CNBD1: variants seen among roughly 807,000 people sequenced by gnomAD.
The protein encoded by CNBD1 is cyclic nucleotide binding domain containing 1.
Under a neutral mutation model 54.4 loss-of-function variants are expected in CNBD1, and 71 were observed. That is an observed-to-expected ratio of 1.30 (90% CI 1.08 to 1.59). The LOEUF (loss-of-function observed/expected upper bound fraction) is 1.59, where lower values mean the gene tolerates loss of function less well. Ranked by LOEUF, CNBD1 falls within the 40% of genes most tolerant of loss-of-function variation. The pLI is 0.00. For missense variants in CNBD1, 659 were observed against 518.0 expected (o/e 1.27, Z -2.64); for synonymous variants, 182 against 170.7 (o/e 1.07, Z -0.51).
chr8:87,335,112 T>C (rs1355067977), intron 8 of CNBD1, among the ~76,000 whole-genome samples: 2 of 152,166 alleles, frequency 1.3e-5, no homozygotes, highest in East Asian at 1.9e-4. Context: ...CTGAGGAGCG[T>C]TTTACTTCCA....
intron 5 of CNBD1, among the ~76,000 whole-genome samples, chr8:87,215,925 G>C (rs1396160861): frequency 6.6e-6 from 1 of 152,094 alleles, no homozygotes; most frequent in East Asian, 1.9e-4. Flanking sequence ...CCACTAGCCT[G>C]TTCTCTATTT....
chr8:86,905,876 C>T (rs1809009531), intron 3 of CNBD1, among the ~76,000 whole-genome samples: 1 of 152,140 alleles, frequency 6.6e-6, no homozygotes, highest in African/African-American at 2.4e-5. Flanking sequence ...ATATAGTTGT[C>T]TTTGTTGTTC....
intron 4 of CNBD1, among the ~76,000 whole-genome samples, chr8:87,020,516 A>G (rs1448434814): frequency 6.6e-6 from 1 of 151,792 alleles, no homozygotes; most frequent in African/African-American, 2.4e-5. Context: ...ACTAAGGACT[A>G]AGCTCTTATT....
chr8:86,867,227 GATCT>G (rs35381387), intron 1 of CNBD1, among the ~76,000 whole-genome samples: 20,898 of 151,976 alleles, frequency 0.14, 1,547 homozygotes, highest in African/African-American at 0.18. Context: ...GAATTTATAA[GATCT>G]ATTATTTGAA....
At chr8:87,228,138 TC>T (rs1189360158) in intron 5 of CNBD1, among the ~76,000 whole-genome samples, 2 of 150,746 alleles carry the variant, frequency 1.3e-5, no homozygotes, top group Non-Finnish European at 2.9e-5. Flanking sequence ...AGTTATACAT[TC>T]TTCTAAATTT....
At chr8:86,941,722 C>T (rs533110670) in intron 4 of CNBD1, among the ~76,000 whole-genome samples, 6 of 152,218 alleles carry the variant, frequency 3.9e-5, no homozygotes, top group Admixed American at 6.5e-5. Flanking sequence ...AGTGGACTAC[C>T]GCGAAAAGCA....
chr8:86,871,559 C>A (rs1808444048), intron 1 of CNBD1, among the ~76,000 whole-genome samples: 1 of 152,214 alleles, frequency 6.6e-6, no homozygotes, highest in South Asian at 2.1e-4. Flanking sequence ...AAGCTAAAAT[C>A]TGTCTCTTGT....
intron 8 of CNBD1, among the ~76,000 whole-genome samples, chr8:87,342,528 T>G (rs1281680475): frequency 1.3e-5 from 2 of 152,178 alleles, no homozygotes; most frequent in Non-Finnish European, 2.9e-5. Flanking sequence ...TGAGAAAAAC[T>G]ATTGGGGGAA....
chr8:87,392,949 T>A (rs1811338594), intron 2 of CNBD1, among the ~76,000 whole-genome samples: 1 of 151,998 alleles, frequency 6.6e-6, no homozygotes, highest in South Asian at 2.1e-4. Context: ...AGCATTTAAC[T>A]AGTTTTTATT....
At chr8:86,986,122 G>GT (rs1447350388) in intron 4 of CNBD1, among the ~76,000 whole-genome samples, 1 of 152,028 alleles carries the variant, frequency 6.6e-6, no homozygotes, top group East Asian at 1.9e-4. Context: ...TAGAGATAGG[G>GT]TTTCACCATG....
intron 4 of CNBD1, among the ~76,000 whole-genome samples, chr8:86,980,180 T>G (rs1000104761): frequency 1.3e-5 from 2 of 152,180 alleles, no homozygotes; most frequent in Admixed American, 6.5e-5. Context: ...CAGTGTACCA[T>G]AATTCTTTTT....
chr8:87,271,763 C>G (rs1389999125), intron 6 of CNBD1, among the ~76,000 whole-genome samples: 1 of 151,784 alleles, frequency 6.6e-6, no homozygotes, highest in Non-Finnish European at 1.5e-5. Context: ...GGGTATTTAC[C>G]TAAAAGAAAA....
intron 4 of CNBD1, among the ~76,000 whole-genome samples, chr8:87,085,468 CTT>C (rs1035506379): frequency 6.6e-6 from 1 of 151,952 alleles, no homozygotes; most frequent in African/African-American, 2.4e-5. Context: ...TAATTTCTCT[CTT>C]TGTTCAGTTT....
intron 5 of CNBD1, among the ~76,000 whole-genome samples, chr8:87,224,524 C>A (rs1410275591): frequency 6.6e-6 from 1 of 151,056 alleles, no homozygotes; most frequent in Non-Finnish European, 1.5e-5. Flanking sequence ...GCTTGTTTTT[C>A]TCAGGTTTGT....
At chr8:87,424,535 C>G (rs552129193) in intron 2 of CNBD1, among the ~76,000 whole-genome samples, 1 of 152,072 alleles carries the variant, frequency 6.6e-6, no homozygotes, top group Non-Finnish European at 1.5e-5. Context: ...CGTTATGTAC[C>G]CAGTAGTCAT....
At chr8:86,922,527 A>G (rs141669395) in intron 3 of CNBD1, among the ~76,000 whole-genome samples, 119 of 152,234 alleles carry the variant, frequency 7.8e-4, no homozygotes, top group African/African-American at 2.8e-3. Context: ...ACCATGACAT[A>G]AAAAGGAAAG....
Position 87,419,425 on chromosome 8 carries a change from A to T in CNBD1, c.214-9121A>T, listed in dbSNP as rs557085121. ...TGAAAACCACTAAACTGTACTGTTT[A>T]AAGGCGTGAATTTTATTGTGTGTAT... On this transcript the variant is annotated intron_variant, in intron 2 of 7. Transcript: ENST00000521593. Among the ~76,000 whole-genome samples, 345 of 152,054 alleles carry T rather than the reference A, an allele frequency of 2.3e-3. 2 individuals carry two copies. The highest frequency in any genetic ancestry group is 4.6e-3 in the South Asian group (22 of 4,830).
At chr8:87,412,540 T>C (rs111505502) in intron 2 of CNBD1, among the ~76,000 whole-genome samples, 2,285 of 152,186 alleles carry the variant, frequency 0.015, 59 homozygotes, top group African/African-American at 0.049. Flanking sequence ...CGAATGCACA[T>C]GAGGCTAAAT....
At chr8:87,301,822 C>T (rs1003781650) in intron 8 of CNBD1, among the ~76,000 whole-genome samples, 27 of 152,164 alleles carry the variant, frequency 1.8e-4, no homozygotes, top group African/African-American at 6.5e-4. Context: ...ACCAATCCCA[C>T]AGAAATACAA....
Sources: gnomAD v4.1 joint callset for allele counts (sites outside exome capture counted in the v4.1 genomes callset) on GRCh38, gnomAD v4.1.1 for gene constraint, MANE v1.5 for transcripts, NCBI Gene and HGNC (gene_info 2026-07-23, HGNC 2026-07-21) for gene names.